The following CCDC50 variants were observed in gnomAD, a reference collection of about 807,000 sequenced individuals.
CCDC50 encodes the protein coiled-coil domain containing 50.
A neutral mutation model predicts 70.2 loss-of-function variants in CCDC50; 54 were observed. The observed-to-expected ratio is 0.77, with a 90% CI of 0.62 to 0.96. CCDC50 has a LOEUF of 0.96. Ranked by LOEUF, CCDC50 falls within the 50% of genes least tolerant of loss-of-function variation. The pLI is 0.00. For synonymous variants in CCDC50, 216 were observed against 198.8 expected, an observed-to-expected ratio of 1.09 and a Z score of -0.73; for missense variants, 558 against 578.7, an observed-to-expected ratio of 0.96 and a Z score of 0.37.
intron 6 of CCDC50, among the ~76,000 whole-genome samples, chr3:191,377,972 A>T (rs1012421790): frequency 6.6e-6 from 1 of 152,138 alleles, no homozygotes; most frequent in Admixed American, 6.6e-5. Flanking sequence ...CATTTAAAAA[A>T]TTTTTGGACA....
chr3:191,336,980 G>T (rs1711539825), intron 1 of CCDC50, among the ~76,000 whole-genome samples: 1 of 152,144 alleles, frequency 6.6e-6, no homozygotes, highest in Non-Finnish European at 1.5e-5. Flanking sequence ...ATAATGTTTT[G>T]TGATGTGAAA....
At chr3:191,375,743 C>T (rs765579798) in intron 6 of CCDC50, among the ~76,000 whole-genome samples, 154 bp downstream of exon 6, 1 of 152,162 alleles carries the variant, frequency 6.6e-6, no homozygotes, top group South Asian at 2.1e-4. Context: ...AAAAGGTATA[C>T]ACTTAATCTC....
intron 9 of CCDC50, among the ~76,000 whole-genome samples, chr3:191,381,570 G>A (rs1041405935): frequency 6.6e-5 from 10 of 152,100 alleles, no homozygotes; most frequent in South Asian, 2.1e-4. Context: ...CAGTGACAGC[G>A]CGTAAGACAA....
At position 191,369,860 on chromosome 3, in the gene CCDC50, A is replaced by G. The variant is rs532640958; in HGVS notation, c.331-59A>G. ...TGGCAGTGGAATGTCAAGCCCCACC[A>G]TATGGAGTTTGTTTGTTCTTTGGTA... On this transcript the variant is annotated intron_variant, in intron 4 of 11. Transcript: ENST00000392455. 3.3e-6 allele frequency: 4 copies of G among 1,212,200 alleles called. No homozygotes were observed. In the African/African-American group the frequency reaches 4.5e-5, roughly 14 times the overall value. The allele number at this position is 1,212,200 out of a possible 1,614,324, so 75.1% of individuals were successfully genotyped here.
At chr3:191,361,583 A>G (rs1398192245) in intron 4 of CCDC50, among the ~76,000 whole-genome samples, 3 of 152,132 alleles carry the variant, frequency 2.0e-5, no homozygotes, top group Admixed American at 2.0e-4. Context: ...TTGTATCTGC[A>G]TCACTTCAGT....
At position 191,394,936 on chromosome 3, in the gene CCDC50, A is replaced by G. The variant is rs545543375; in HGVS notation, c.*3176A>G. 2 of 152,294 alleles carry G rather than the reference A, an allele frequency of 1.3e-5. No homozygotes were observed. Among genetic ancestry groups the G allele is most frequent in the Admixed American group, 6.5e-5 (1 of 15,302 alleles). The allele number at this position is 152,294 out of a possible 1,614,324, so 9.4% of individuals were successfully genotyped here. A position where few individuals can be genotyped will look rare whatever the true frequency, so the allele number is the denominator to read the frequency against. ...ACATACTATTGAATTGCTATTTCCCAAGTTACTTTACAACCAGCAGCAGCA... is the reference window on the plus strand; with the variant it reads ...ACATACTATTGAATTGCTATTTCCCGAGTTACTTTACAACCAGCAGCAGCA... On this transcript the variant is annotated 3_prime_UTR_variant, in exon 12 of 12. Transcript: ENST00000392455.
intron 4 of CCDC50, among the ~76,000 whole-genome samples, chr3:191,367,357 ACT>A (rs1335316964): frequency 2.0e-5 from 3 of 152,168 alleles, no homozygotes; most frequent in Non-Finnish European, 4.4e-5. Flanking sequence ...TATGAATAGG[ACT>A]CTGAATTTTT....
At chr3:191,329,844 GC>G in intron 1 of CCDC50, 121 bp downstream of exon 1, 1 of 971,200 alleles carries the variant, frequency 1.0e-6, no homozygotes, top group Non-Finnish European at 1.5e-6. Flanking sequence ...CCCTGCGTTG[GC>G]CTTGCCCGGA....
intron 1 of CCDC50, among the ~76,000 whole-genome samples, chr3:191,334,202 T>G (rs1388087578): frequency 1.3e-5 from 2 of 152,156 alleles, no homozygotes; most frequent in Non-Finnish European, 1.5e-5. Flanking sequence ...CCATGGTACA[T>G]GAACATGATC....
In CCDC50 at chr3:191,397,551, A is replaced by T. The variant is rs976356129; in HGVS notation, c.*5791A>T. The T allele has an allele frequency of 2.6e-5, 4 of 152,230 alleles. No individual in the cohort carries two copies. The highest frequency in any genetic ancestry group is 9.6e-5 in the African/African-American group (4 of 41,462). The allele number at this position is 152,230 out of a possible 1,614,324, so 9.4% of individuals were successfully genotyped here. A position where few individuals can be genotyped will look rare whatever the true frequency, so the allele number is the denominator to read the frequency against. On this transcript the variant is annotated 3_prime_UTR_variant, in exon 12 of 12. Transcript: ENST00000392455. ...ATGGGGCTTTCCCTAAGAAGAATCC[A>T]TCCCAGCACATATTTTGAAAAGGTG...
chr3:191,389,758 A>T (rs1180840121), intron 11 of CCDC50, among the ~76,000 whole-genome samples, 156 bp downstream of exon 11: 1 of 152,162 alleles, frequency 6.6e-6, no homozygotes, highest in Non-Finnish European at 1.5e-5. Context: ...TAAAACAGTA[A>T]CAAAACAGAA....
intron 1 of CCDC50, among the ~76,000 whole-genome samples, chr3:191,332,931 A>C (rs1342401777): frequency 1.3e-5 from 2 of 152,204 alleles, no homozygotes; most frequent in South Asian, 4.1e-4. Flanking sequence ...CAATTTCTTA[A>C]GCATTAGAGC....
At chr3:191,360,182 T>C (rs1198767748) in intron 3 of CCDC50, among the ~76,000 whole-genome samples, 1 of 152,258 alleles carries the variant, frequency 6.6e-6, no homozygotes, top group East Asian at 1.9e-4. Flanking sequence ...ACCGCTTGTT[T>C]ACTACTGCTT....
chr3:191,365,323 A>G (rs1306715880), intron 4 of CCDC50, among the ~76,000 whole-genome samples: 18 of 151,876 alleles, frequency 1.2e-4, no homozygotes. Flanking sequence ...ACTTACACAT[A>G]GCACTCTTTA....
chr3:191,386,276 G>A (rs1262452489), intron 10 of CCDC50, among the ~76,000 whole-genome samples: 1 of 143,762 alleles, frequency 7.0e-6, no homozygotes, highest in Admixed American at 7.3e-5. Flanking sequence ...CCAGGCTGGA[G>A]TGCAGTGGCA....
At chr3:191,349,966 A>ACCCT (rs1712049829) in intron 1 of CCDC50, among the ~76,000 whole-genome samples, 1 of 105,622 alleles carries the variant, frequency 9.5e-6, no homozygotes, top group African/African-American at 3.1e-5. Context: ...ATTTAATAAT[A>ACCCT]CCCCCCCCCT....
intron 5 of CCDC50, among the ~76,000 whole-genome samples, chr3:191,372,595 G>A (rs965932547): frequency 9.9e-5 from 15 of 151,986 alleles, no homozygotes; most frequent in African/African-American, 3.6e-4. Context: ...GGTAATCACA[G>A]TATATCATTA....
chr3:191,383,850 T>G (rs1560171635), intron 10 of CCDC50, among the ~76,000 whole-genome samples: 1 of 152,216 alleles, frequency 6.6e-6, no homozygotes, highest in Non-Finnish European at 1.5e-5. Context: ...AAACATTTTC[T>G]TAGAACTCTA....
rs1177594187 is a variant in CCDC50, at chr3:191,397,399, CAGAA to C, written c.*5643_*5646del. On this transcript the variant is annotated 3_prime_UTR_variant, in exon 12 of 12. Transcript: ENST00000392455. ...AAACTGCAAGCCAAATGCTCTTTCT[CAGAA>C]AGAGCTATATTTTTCTCTTCTTACA... 1.3e-5 allele frequency: 2 copies of C among 152,136 alleles called. No individual in the cohort carries two copies. The highest frequency in any genetic ancestry group is 2.9e-5 in the Non-Finnish European group (2 of 68,020). 9.4% of individuals were successfully genotyped at this position (152,136 alleles called of 1,614,324 possible). A position where few individuals can be genotyped will look rare whatever the true frequency, so the allele number is the denominator to read the frequency against.
Sources: allele counts gnomAD v4.1 joint callset (sites outside exome capture counted in the v4.1 genomes callset), GRCh38; gene constraint gnomAD v4.1.1; transcripts MANE v1.5; gene names NCBI Gene and HGNC (gene_info 2026-07-23, HGNC 2026-07-21).